Variants in PTPRT observed in about 807,000 individuals in gnomAD.
The protein encoded by PTPRT is protein tyrosine phosphatase receptor type T, also known as receptor-type tyrosine-protein phosphatase T.
A neutral mutation model predicts 176.8 loss-of-function variants in PTPRT; 56 were observed. The ratio of observed to expected loss-of-function variants is 0.32; its 90% CI spans 0.26 to 0.40. The LOEUF (loss-of-function observed/expected upper bound fraction) is 0.40. Ranked by LOEUF, PTPRT falls within the 10% of genes least tolerant of loss-of-function variation. PTPRT has a pLI of 1.00. For synonymous variants in PTPRT, 783 were observed against 739.0 expected, an observed-to-expected ratio of 1.06 and a Z score of -0.96; for missense variants, 1,540 against 1,908.2, an observed-to-expected ratio of 0.81 and a Z score of 3.60.
chr20:42,450,242 C>T (rs1171209210), intron 8 of PTPRT, among the ~76,000 whole-genome samples: 11 of 152,194 alleles, frequency 7.2e-5, no homozygotes, highest in Non-Finnish European at 1.6e-4. Context: ...AAGATTAATG[C>T]TTTGGAAATT....
chr20:42,913,710 T>C (rs1006502313), intron 1 of PTPRT, among the ~76,000 whole-genome samples: 1 of 152,210 alleles, frequency 6.6e-6, no homozygotes, highest in African/African-American at 2.4e-5. Context: ...GCAAATTCTA[T>C]GCCAATATTT....
chr20:42,037,915 C>T, the PTPRT span, among the ~76,000 whole-genome samples: 2 of 152,136 alleles, frequency 1.3e-5, no homozygotes, highest in African/African-American at 4.8e-5. Flanking sequence ...GGCACAGCTG[C>T]TGCTTTCCAG....
At chr20:42,407,604 GC>G (rs1483656657) in intron 9 of PTPRT, among the ~76,000 whole-genome samples, 1 of 152,092 alleles carries the variant, frequency 6.6e-6, no homozygotes, top group Non-Finnish European at 1.5e-5. Flanking sequence ...AATATCATGA[GC>G]AAGACAGGTA....
intron 1 of PTPRT, among the ~76,000 whole-genome samples, chr20:42,897,964 A>C (rs2079332456): frequency 1.3e-5 from 2 of 152,238 alleles, no homozygotes; most frequent in African/African-American, 2.4e-5. Flanking sequence ...GATGTATTAC[A>C]TGTGGTCAGC....
chr20:42,167,364 C>T (rs1989874199), intron 16 of PTPRT, among the ~76,000 whole-genome samples: 1 of 152,160 alleles, frequency 6.6e-6, no homozygotes, highest in Non-Finnish European at 1.5e-5. Context: ...TCATTCAGGT[C>T]TTCATGACAG....
At chr20:42,788,877 G>A (rs1600740133) in intron 3 of PTPRT, among the ~76,000 whole-genome samples, 1 of 152,120 alleles carries the variant, frequency 6.6e-6, no homozygotes, top group Non-Finnish European at 1.5e-5. Context: ...ACTCTACTAG[G>A]GGAAATTGTG....
At chr20:42,866,977 C>T (rs1455800699) in intron 2 of PTPRT, among the ~76,000 whole-genome samples, 1 of 152,338 alleles carries the variant, frequency 6.6e-6, no homozygotes, top group East Asian at 1.9e-4. Flanking sequence ...AAAACAGATG[C>T]TCCAAAATGC....
intron 7 of PTPRT, among the ~76,000 whole-genome samples, chr20:42,548,608 C>T (rs2072715376): frequency 6.6e-6 from 1 of 152,036 alleles, no homozygotes; most frequent in Non-Finnish European, 1.5e-5. Context: ...AGACACACAT[C>T]ATAAATCAAA....
chr20:42,727,157 G>A (rs530055134), intron 6 of PTPRT, among the ~76,000 whole-genome samples: 1 of 152,110 alleles, frequency 6.6e-6, no homozygotes, highest in Non-Finnish European at 1.5e-5. Context: ...ACCTCAGATG[G>A]CCTTGTGCCT....
At chr20:42,407,965 G>T (rs1379935301) in intron 9 of PTPRT, among the ~76,000 whole-genome samples, 1 of 152,044 alleles carries the variant, frequency 6.6e-6, no homozygotes, top group African/African-American at 2.4e-5. Context: ...ATATTAAAAT[G>T]CAAACAACTA....
chr20:42,635,361 A>G (rs1569040353), intron 7 of PTPRT, among the ~76,000 whole-genome samples: 1 of 152,174 alleles, frequency 6.6e-6, no homozygotes, highest in Non-Finnish European at 1.5e-5. Context: ...ATGGTTAATT[A>G]TATTCCTGAA....
intron 13 of PTPRT, among the ~76,000 whole-genome samples, chr20:42,257,643 A>ACCCCCCCCCCC (rs59872515): frequency 5.2e-5 from 1 of 19,250 alleles, no homozygotes; most frequent in Non-Finnish European, 8.8e-5. Flanking sequence ...ACCTCCCCCC[A>ACCCCCCCCCCC]CCCCCCCCCC....
At chr20:43,102,461 A>G (rs2012434750) in intron 1 of PTPRT, among the ~76,000 whole-genome samples, 1 of 152,194 alleles carries the variant, frequency 6.6e-6, no homozygotes, top group South Asian at 2.1e-4. Flanking sequence ...CAAAATATTT[A>G]TTTTATTTCA....
At chr20:42,670,036 C>A (rs1470948575) in intron 7 of PTPRT, among the ~76,000 whole-genome samples, 1 of 152,106 alleles carries the variant, frequency 6.6e-6, no homozygotes, top group Non-Finnish European at 1.5e-5. Flanking sequence ...CCACAACATG[C>A]ACACAGCCAC....
intron 9 of PTPRT, among the ~76,000 whole-genome samples, chr20:42,369,874 T>C (rs749023903): frequency 6.6e-6 from 1 of 152,198 alleles, no homozygotes; most frequent in Non-Finnish European, 1.5e-5. Context: ...TGAGGGATGT[T>C]GTGTTTTTAG....
At chr20:42,224,665 T>A (rs1274611099) in intron 15 of PTPRT, among the ~76,000 whole-genome samples, 2 of 152,188 alleles carry the variant, frequency 1.3e-5, no homozygotes, top group Non-Finnish European at 1.5e-5. Context: ...TGGGGAACTT[T>A]AAAATGTCTA....
intron 2 of PTPRT, among the ~76,000 whole-genome samples, chr20:42,822,677 G>A (rs1195971599): frequency 6.6e-6 from 1 of 151,916 alleles, no homozygotes; most frequent in Non-Finnish European, 1.5e-5. Flanking sequence ...ATATCCACAA[G>A]TTACAAGGAA....
intron 2 of PTPRT, among the ~76,000 whole-genome samples, chr20:42,851,575 T>C (rs190126318): frequency 2.8e-4 from 42 of 152,314 alleles, no homozygotes; most frequent in African/African-American, 9.6e-4. Context: ...GAATAAGATG[T>C]TTCCTGTTTA....
chr20:42,659,590 T>A (rs1362019550), intron 7 of PTPRT, among the ~76,000 whole-genome samples: 1 of 152,206 alleles, frequency 6.6e-6, no homozygotes, highest in East Asian at 1.9e-4. Flanking sequence ...TTTAGATGTC[T>A]AAGCTGCCAT....
Sources: allele counts gnomAD v4.1 joint callset (sites outside exome capture counted in the v4.1 genomes callset), GRCh38; gene constraint gnomAD v4.1.1; transcripts MANE v1.5; gene names NCBI Gene and HGNC (gene_info 2026-07-23, HGNC 2026-07-21).